Variants in APBB1IP observed in about 807,000 individuals in gnomAD.
APBB1IP encodes amyloid beta precursor protein binding family B member 1 interacting protein.
A neutral mutation model predicts 64.9 loss-of-function variants in APBB1IP; 27 were observed. That is an observed-to-expected ratio of 0.42 (90% confidence interval 0.31 to 0.57). APBB1IP has a LOEUF of 0.57. APBB1IP is among the 20% of genes least tolerant of loss of function. APBB1IP has a pLI of 0.20. For synonymous variants in APBB1IP, 392 were observed against 331.0 expected, an observed-to-expected ratio of 1.18 and a Z score of -2.00; for missense variants, 812 against 845.5, an observed-to-expected ratio of 0.96 and a Z score of 0.49.
At chr10:26,510,738 A>T (rs11015143) in intron 6 of APBB1IP, among the ~76,000 whole-genome samples, 49 of 109,420 alleles carry the variant, frequency 4.5e-4, no homozygotes, top group East Asian at 1.0e-3. Context: ...CCTGTCTCAC[A>T]CACACACACA....
intron 8 of APBB1IP, among the ~76,000 whole-genome samples, chr10:26,520,267 A>T (rs550573815): frequency 1.3e-5 from 2 of 152,110 alleles, no homozygotes; most frequent in African/African-American, 4.8e-5. Context: ...GGACTTTCCA[A>T]CCTCCAGAAC....
chr10:26,506,258 GGGGGT>G (rs367641809), intron 6 of APBB1IP, among the ~76,000 whole-genome samples: 35 of 139,424 alleles, frequency 2.5e-4, no homozygotes, highest in African/African-American at 7.5e-4. Context: ...TGTGGGGGGG[GGGGGT>G]GGGGGGCAAG....
In APBB1IP at chr10:26,513,777, G is replaced by C. The variant is rs1230454583; in HGVS notation, c.813+117G>C. 12 of 1,286,736 alleles carry C rather than the reference G, an allele frequency of 9.3e-6. No homozygotes were observed. The East Asian group carries it at 2.8e-4, about 30-fold the overall frequency. 79.7% of individuals were successfully genotyped at this position (1,286,736 alleles called of 1,614,324 possible). A position where few individuals can be genotyped will look rare whatever the true frequency, so the allele number is the denominator to read the frequency against. ...GAAAGGCTGGAGACGGAGTCTCGAA[G>C]GCTGGAGTGCAGTGGCGTGATCTTG... On this transcript the variant is annotated intron_variant, in intron 8 of 14. Coordinates refer to ENST00000376236, the MANE Select transcript of APBB1IP (RefSeq NM_019043.4).
intron 11 of APBB1IP, among the ~76,000 whole-genome samples, chr10:26,554,192 A>G (rs1225972757): frequency 6.6e-6 from 1 of 152,212 alleles, no homozygotes; most frequent in Admixed American, 6.5e-5. Flanking sequence ...GAATGGCACC[A>G]TCACCTACTC....
intron 2 of APBB1IP, among the ~76,000 whole-genome samples, chr10:26,469,041 G>T (rs560322014): frequency 6.6e-6 from 1 of 151,866 alleles, no homozygotes; most frequent in African/African-American, 2.4e-5. Context: ...ACAAGACAGA[G>T]ACCTGTGCTT....
intron 11 of APBB1IP, among the ~76,000 whole-genome samples, chr10:26,550,447 AT>A: frequency 6.7e-6 from 1 of 149,132 alleles, no homozygotes; most frequent in South Asian, 2.1e-4. Context: ...ATTCCTTTTC[AT>A]TTTTTTCCTT....
intron 2 of APBB1IP, among the ~76,000 whole-genome samples, chr10:26,478,767 G>A (rs1365617019): frequency 6.6e-6 from 1 of 152,028 alleles, no homozygotes; most frequent in Non-Finnish European, 1.5e-5. Flanking sequence ...AGGATGAGGA[G>A]GAACCCACAG....
chr10:26,534,415 G>C (rs1206939722), intron 9 of APBB1IP, among the ~76,000 whole-genome samples: 2 of 151,618 alleles, frequency 1.3e-5, no homozygotes, highest in African/African-American at 4.8e-5. Context: ...GTATTTCCCT[G>C]AGACAATCCA....
intron 11 of APBB1IP, among the ~76,000 whole-genome samples, chr10:26,545,806 T>C (rs1488183286): frequency 6.9e-6 from 1 of 144,992 alleles, no homozygotes; most frequent in Non-Finnish European, 1.5e-5. Context: ...AAAAATTAGC[T>C]GGGCGTGGTG....
chr10:26,465,617 A>G (rs142937261), intron 2 of APBB1IP, among the ~76,000 whole-genome samples: 327 of 152,334 alleles, frequency 2.1e-3, no homozygotes, highest in African/African-American at 7.6e-3. Flanking sequence ...TTATGTCATT[A>G]TTAATTGTTA....
intron 2 of APBB1IP, among the ~76,000 whole-genome samples, chr10:26,441,356 A>G (rs1249004051): frequency 6.6e-6 from 1 of 152,222 alleles, no homozygotes; most frequent in African/African-American, 2.4e-5. Flanking sequence ...AACAGTAATC[A>G]TTAGATTTCT....
At chr10:26,494,027 G>A (rs558619974) in intron 3 of APBB1IP, among the ~76,000 whole-genome samples, 6 of 151,900 alleles carry the variant, frequency 3.9e-5, no homozygotes, top group African/African-American at 1.4e-4. Flanking sequence ...TTATAGAGAC[G>A]AGATCTCACT....
At chr10:26,557,484 A>G (rs1836908632) in intron 11 of APBB1IP, among the ~76,000 whole-genome samples, 1 of 152,258 alleles carries the variant, frequency 6.6e-6, no homozygotes, top group Non-Finnish European at 1.5e-5. Context: ...AGTTGCCTGA[A>G]AAGACCAAAG....
In APBB1IP at chr10:26,567,251, G is replaced by A. The variant is rs1411522959; in HGVS notation, c.1764G>A (p.Pro588=). ...PPPDFVPPPP[P]SYAGIAGSEL... is the part of the protein sequence containing the mutation. ...CAGACTTCGTGCCCCCGCCCCCGCC[G>A]TCGTACGCAGGGATCGCGGGCTCAG... Residue 588 remains proline, a synonymous_variant, in exon 15 of 15, where the codon CCG becomes CCA. Coordinates refer to ENST00000376236, the MANE Select transcript of APBB1IP (RefSeq NM_019043.4). 4.9e-5 allele frequency: 61 copies of A among 1,254,564 alleles called. No homozygotes were observed. The African/African-American group carries it at 8.0e-4, about 16-fold the overall frequency. The allele number at this position is 1,254,564 out of a possible 1,614,324, so 77.7% of individuals were successfully genotyped here. A position where few individuals can be genotyped will look rare whatever the true frequency, so the allele number is the denominator to read the frequency against.
At chr10:26,447,366 C>G (rs1325844729) in intron 2 of APBB1IP, among the ~76,000 whole-genome samples, 2 of 130,686 alleles carry the variant, frequency 1.5e-5, no homozygotes, top group Non-Finnish European at 3.1e-5. Flanking sequence ...CAGAGTGAGA[C>G]TCCGTCTCAA....
chr10:26,513,458 A>G (rs1190977663), intron 7 of APBB1IP, 81 bp from the exon 8 acceptor site: 1 of 1,524,488 alleles, frequency 6.6e-7, no homozygotes, highest in African/African-American at 1.4e-5. Flanking sequence ...GTCATGAAGC[A>G]TTAACTCAAT....
chr10:26,556,157 CA>C (rs1412808986), intron 11 of APBB1IP, among the ~76,000 whole-genome samples: 1 of 152,206 alleles, frequency 6.6e-6, no homozygotes, highest in Non-Finnish European at 1.5e-5. Context: ...TGATCGGGAA[CA>C]ATCAAATCAA....
At chr10:26,439,933 G>C (rs1259491313) in intron 2 of APBB1IP, among the ~76,000 whole-genome samples, 1 of 152,134 alleles carries the variant, frequency 6.6e-6, no homozygotes, top group Non-Finnish European at 1.5e-5. Flanking sequence ...TGGAATAATG[G>C]GTGGCACATG....
chr10:26,503,436 C>A (rs1432989578), intron 6 of APBB1IP, among the ~76,000 whole-genome samples, 162 bp downstream of exon 6: 1 of 152,112 alleles, frequency 6.6e-6, no homozygotes, highest in Non-Finnish European at 1.5e-5. Flanking sequence ...GAGATCGAGA[C>A]CATCCTGGCT....
Sources: allele counts gnomAD v4.1 joint callset (sites outside exome capture counted in the v4.1 genomes callset), GRCh38; gene constraint gnomAD v4.1.1; transcripts MANE v1.5; gene names NCBI Gene and HGNC (gene_info 2026-07-23, HGNC 2026-07-21).